Variants in LUZP2 observed in about 807,000 individuals in gnomAD.
LUZP2 encodes the protein leucine zipper protein 2.
Under a neutral mutation model 51.6 loss-of-function variants are expected in LUZP2, and 52 were observed. The observed-to-expected ratio is 1.01, with a 90% CI of 0.81 to 1.27. The LOEUF is 1.27. LUZP2 is among the 50% of genes most tolerant of loss of function. LUZP2 has a pLI of 0.00. For missense variants in LUZP2, 436 were observed against 395.4 expected (o/e 1.10, Z -0.87); for synonymous variants, 154 against 137.3 (o/e 1.12, Z -0.85).
intron 1 of LUZP2, among the ~76,000 whole-genome samples, chr11:24,693,751 T>A (rs1857152989): frequency 6.6e-6 from 1 of 151,976 alleles, no homozygotes. Context: ...TCACTGTACA[T>A]TATGCCTGTA....
rs569790654 is a variant in LUZP2, at chr11:24,749,876, G to A, written c.333+11574G>A. Among the ~76,000 whole-genome samples the A allele has an allele frequency of 2.6e-5, 4 of 152,156 alleles. No homozygotes were observed. In the South Asian group the frequency reaches 8.3e-4, roughly 32 times the overall value. Reference sequence around the variant, plus strand: ...AGCTTCCCAGCTTTTGAGGCTTTTGGATTCCGACTGAGCCGCTACTGCTTC... The same window carrying A: ...AGCTTCCCAGCTTTTGAGGCTTTTGAATTCCGACTGAGCCGCTACTGCTTC... On this transcript the variant is annotated intron_variant, in intron 4 of 11. Transcript: ENST00000336930.
intron 1 of LUZP2, among the ~76,000 whole-genome samples, chr11:24,636,741 C>T (rs567721641): frequency 4.6e-5 from 7 of 152,098 alleles, no homozygotes; most frequent in African/African-American, 1.2e-4. Flanking sequence ...TCTTTCCTAT[C>T]ACCCTTCAAA....
intron 1 of LUZP2, among the ~76,000 whole-genome samples, chr11:24,687,610 A>G (rs1316772059): frequency 6.6e-6 from 1 of 152,122 alleles, no homozygotes; most frequent in Non-Finnish European, 1.5e-5. Context: ...CTTAAGTTCA[A>G]ATGTTACAAA....
At chr11:24,694,270 T>G (rs1857170345) in intron 1 of LUZP2, among the ~76,000 whole-genome samples, 1 of 152,026 alleles carries the variant, frequency 6.6e-6, no homozygotes, top group Non-Finnish European at 1.5e-5. Flanking sequence ...TTCAAGGATT[T>G]ATTTTGTTTT....
intron 1 of LUZP2, among the ~76,000 whole-genome samples, chr11:24,643,594 C>T (rs941726332): frequency 6.6e-6 from 1 of 152,128 alleles, no homozygotes; most frequent in African/African-American, 2.4e-5. Flanking sequence ...AAGGCCTACG[C>T]ATCATGTAAT....
intron 5 of LUZP2, among the ~76,000 whole-genome samples, chr11:24,824,059 T>C (rs774337378): frequency 1.9e-4 from 28 of 145,252 alleles, no homozygotes; most frequent in Non-Finnish European, 4.1e-4. Context: ...CGAGACACTG[T>C]CTAAAAAAAA....
At chr11:25,002,800 T>A (rs1169638804) in intron 9 of LUZP2, among the ~76,000 whole-genome samples, 5 of 152,146 alleles carry the variant, frequency 3.3e-5, no homozygotes, top group African/African-American at 1.2e-4. Flanking sequence ...GAGCTTATAG[T>A]AGGGCCTTCT....
At chr11:24,978,552 T>G (rs926624616) in intron 8 of LUZP2, among the ~76,000 whole-genome samples, 1 of 151,810 alleles carries the variant, frequency 6.6e-6, no homozygotes, top group African/African-American at 2.4e-5. Context: ...ACATAATCCT[T>G]TTAGTCAGTC....
intron 7 of LUZP2, among the ~76,000 whole-genome samples, chr11:24,940,738 CT>C (rs1176225354): frequency 3.9e-5 from 6 of 152,092 alleles, no homozygotes; most frequent in Admixed American, 3.9e-4. Context: ...CTAACCAATT[CT>C]TTTGGGTTCT....
intron 5 of LUZP2, among the ~76,000 whole-genome samples, chr11:24,769,101 AG>A (rs1465787360): frequency 2.0e-5 from 3 of 152,216 alleles, no homozygotes; most frequent in African/African-American, 7.2e-5. Context: ...GGATGAACCT[AG>A]AGGACATTGT....
At chr11:24,552,480 A>G (rs1367746290) in intron 1 of LUZP2, among the ~76,000 whole-genome samples, 1 of 152,014 alleles carries the variant, frequency 6.6e-6, no homozygotes, top group Non-Finnish European at 1.5e-5. Flanking sequence ...GCTATAAATA[A>G]ACAATATTAT....
At chr11:24,563,131 A>G (rs1293463870) in intron 1 of LUZP2, among the ~76,000 whole-genome samples, 1 of 152,216 alleles carries the variant, frequency 6.6e-6, no homozygotes, top group Non-Finnish European at 1.5e-5. Flanking sequence ...TCACCCATTC[A>G]GAAGACAAGG....
intron 5 of LUZP2, among the ~76,000 whole-genome samples, chr11:24,865,675 T>A (rs754576767): frequency 6.6e-6 from 1 of 152,190 alleles, no homozygotes; most frequent in East Asian, 1.9e-4. Flanking sequence ...CAAATACATT[T>A]GTGTGTGTGT....
chr11:24,729,269 A>G lies in LUZP2; in HGVS notation c.163A>G (p.Ile55Val). Reference protein sequence around the residue: ...LTKTSRELDGIKVNLQSLKND... With the variant: ...LTKTSRELDGVKVNLQSLKND... ...AAAGACATCAAGAGAACTTGATGGA[A>G]TTAAAGTCAATCTTCAGGTGAGATG... Residue 55 changes from isoleucine (I) to valine (V), a missense_variant, in exon 2 of 12, where the codon ATT (isoleucine) becomes GTT (valine). By Grantham distance (29) the Ile-to-Val change is conservative. Transcript: ENST00000336930. The G allele has an allele frequency of 6.5e-7, 1 of 1,539,930 alleles. No individual in the cohort carries two copies.
At chr11:24,707,123 T>A (rs539675660) in intron 1 of LUZP2, among the ~76,000 whole-genome samples, 40 of 152,262 alleles carry the variant, frequency 2.6e-4, no homozygotes, top group Middle Eastern at 3.4e-3. Context: ...CAACAGTCCT[T>A]TGATTTTTAT....
chr11:24,793,492 C>T (rs1241568265), intron 5 of LUZP2, among the ~76,000 whole-genome samples: 1 of 152,002 alleles, frequency 6.6e-6, no homozygotes, highest in Non-Finnish European at 1.5e-5. Flanking sequence ...TCTTGATGCT[C>T]AGCTGTAAAA....
intron 1 of LUZP2, among the ~76,000 whole-genome samples, chr11:24,721,339 TAAAAGA>T (rs113956788): frequency 0.36 from 54,192 of 151,580 alleles, 10,011 homozygotes; most frequent in Non-Finnish European, 0.41. Flanking sequence ...TCTGATAATG[TAAAAGA>T]AAAAGAAGAA....
intron 1 of LUZP2, among the ~76,000 whole-genome samples, chr11:24,718,078 G>A (rs925122629): frequency 2.6e-5 from 4 of 152,140 alleles, no homozygotes; most frequent in Admixed American, 6.5e-5. Context: ...TTTAAGCATC[G>A]TAGAGCAAAG....
At chr11:24,559,590 A>T (rs548477215) in intron 1 of LUZP2, among the ~76,000 whole-genome samples, 6 of 152,324 alleles carry the variant, frequency 3.9e-5, no homozygotes, top group South Asian at 4.1e-4. Context: ...AAGTGATTAA[A>T]TTTTTTATGA....
Sources: gnomAD v4.1 joint callset for allele counts (sites outside exome capture counted in the v4.1 genomes callset) on GRCh38, gnomAD v4.1.1 for gene constraint, MANE v1.5 for transcripts, NCBI Gene and HGNC (gene_info 2026-07-23, HGNC 2026-07-21) for gene names.